CNTN6: variants seen among roughly 807,000 people sequenced by gnomAD.
The protein encoded by CNTN6 is contactin 6.
CNTN6 carries 137 observed loss-of-function variants against 122.8 expected under a neutral mutation model. The ratio of observed to expected loss-of-function variants is 1.12; its 90% CI spans 0.97 to 1.29. The LOEUF is 1.29. Ranked by LOEUF, CNTN6 falls within the 50% of genes most tolerant of loss-of-function variation. The pLI, the probability that CNTN6 is intolerant of heterozygous loss-of-function variation, is 0.00. For missense variants in CNTN6, 1,634 were observed against 1,223.4 expected (o/e 1.34, Z -5.01); for synonymous variants, 570 against 426.0 (o/e 1.34, Z -4.16).
intron 4 of CNTN6, among the ~76,000 whole-genome samples, chr3:1,238,559 A>G (rs1367677368): frequency 6.6e-6 from 1 of 152,178 alleles, no homozygotes; most frequent in Non-Finnish European, 1.5e-5. Context: ...CAAAGAAACA[A>G]TGGACTTAAA....
chr3:1,335,854 C>T (rs1702975216), intron 11 of CNTN6, among the ~76,000 whole-genome samples: 1 of 151,954 alleles, frequency 6.6e-6, no homozygotes, highest in African/African-American at 2.4e-5. Flanking sequence ...CATAGTGAGA[C>T]CCTGTCTCTG....
chr3:1,223,635 T>G (rs555956837), intron 3 of CNTN6, among the ~76,000 whole-genome samples: 2 of 152,290 alleles, frequency 1.3e-5, no homozygotes, highest in South Asian at 4.1e-4. Context: ...TCAGAATATA[T>G]ATTTGATTTG....
rs774452899 is a variant in CNTN6 at position 1,329,896 on chromosome 3, C to T, written c.1325C>T (p.Ser442Phe). 9 of 1,609,634 alleles carry T rather than the reference C, an allele frequency of 5.6e-6. No homozygotes were observed. The highest frequency in any genetic ancestry group is 1.3e-5 in the African/African-American group (1 of 74,578). The change falls in exon 11 of 23, where the codon TCT becomes TTT. Residue 442 changes from serine (S) to phenylalanine (F), a missense_variant. Coordinates refer to ENST00000446702, the MANE Select transcript of CNTN6 (RefSeq NM_001289080.2). ...KPNAFPRAAI[S>F]WKRGTETLRQ... is the part of the protein sequence containing the mutation. ...AATGCTTTTCCCAGGGCAGCTATCT[C>T]TTGGAAAAGAGGAACGGAGACCCTT...
chr3:1,304,884 G>A (rs893796551), intron 7 of CNTN6, among the ~76,000 whole-genome samples: 25 of 150,962 alleles, frequency 1.7e-4, no homozygotes, highest in African/African-American at 5.3e-4. Flanking sequence ...ATCCCAGCTC[G>A]GGAGGCTGAG....
At chr3:1,214,592 G>A (rs1361752808) in intron 2 of CNTN6, among the ~76,000 whole-genome samples, 1 of 152,080 alleles carries the variant, frequency 6.6e-6, no homozygotes, top group East Asian at 1.9e-4. Context: ...TTACATGTGT[G>A]AGCCACTGTG....
At position 1,135,279 on chromosome 3, in the gene CNTN6, G is replaced by A. The variant is rs189790197; in HGVS notation, c.-82-12648G>A. On this transcript the variant is annotated intron_variant, in intron 1 of 22. Coordinates refer to ENST00000446702, the MANE Select transcript of CNTN6 (RefSeq NM_001289080.2). ...GAGTTTTACAGCATCACTGTTGACAGGCAACCACATTTTCCTCCCAAGGCG... is the reference window on the plus strand; with the variant it reads ...GAGTTTTACAGCATCACTGTTGACAAGCAACCACATTTTCCTCCCAAGGCG... Among the ~76,000 whole-genome samples, 503 of 152,166 alleles carry A rather than the reference G, an allele frequency of 3.3e-3. 2 individuals are homozygous for A. The highest frequency in any genetic ancestry group is 5.8e-3 in the Non-Finnish European group (393 of 68,016).
chr3:1,190,031 C>T (rs540319750), intron 2 of CNTN6, among the ~76,000 whole-genome samples: 2 of 152,318 alleles, frequency 1.3e-5, no homozygotes, highest in African/African-American at 4.8e-5. Context: ...TTACTTCTCA[C>T]AGTCCTGGCA....
chr3:1,297,765 A>G (rs1190897196), intron 6 of CNTN6, 124 bp from the exon 7 acceptor site: 6 of 770,602 alleles, frequency 7.8e-6, no homozygotes, highest in African/African-American at 7.1e-5. Context: ...TATGTATCCA[A>G]TTCTTAACTG....
intron 2 of CNTN6, among the ~76,000 whole-genome samples, chr3:1,184,207 A>G (rs1468362099): frequency 6.6e-6 from 1 of 152,204 alleles, no homozygotes; most frequent in Admixed American, 6.5e-5. Flanking sequence ...GGGATGTAAC[A>G]GGGATATGAA....
intron 2 of CNTN6, among the ~76,000 whole-genome samples, chr3:1,207,028 T>C (rs67700225): frequency 0.45 from 67,707 of 151,808 alleles, 16,081 homozygotes; most frequent in African/African-American, 0.62. Flanking sequence ...AATCCGATGA[T>C]CTTCAAATGC....
intron 2 of CNTN6, among the ~76,000 whole-genome samples, chr3:1,219,064 C>A (rs1191438667): frequency 6.6e-6 from 1 of 152,092 alleles, no homozygotes; most frequent in Non-Finnish European, 1.5e-5. Context: ...AAATAAGAAA[C>A]CTTGGATTCA....
chr3:1,388,310 C>T (rs1000091680), intron 20 of CNTN6, among the ~76,000 whole-genome samples: 3 of 147,026 alleles, frequency 2.0e-5, no homozygotes, highest in Non-Finnish European at 4.5e-5. Flanking sequence ...ACACTGACAC[C>T]TCACACGGCA....
intron 7 of CNTN6, among the ~76,000 whole-genome samples, chr3:1,312,614 CAAAA>C (rs5846106): frequency 0.17 from 23,532 of 137,886 alleles, 2,391 homozygotes; most frequent in African/African-American, 0.3. Flanking sequence ...GCCTCTTATA[CAAAA>C]AAAAAAAAAA....
chr3:1,166,653 G>T (rs9815645), intron 2 of CNTN6, among the ~76,000 whole-genome samples: 1 of 152,048 alleles, frequency 6.6e-6, no homozygotes, highest in Non-Finnish European at 1.5e-5. Context: ...CACAGGCTCC[G>T]CAATTAAAGA....
At chr3:1,353,491 G>A (rs979127062) in intron 12 of CNTN6, among the ~76,000 whole-genome samples, 1 of 151,566 alleles carries the variant, frequency 6.6e-6, no homozygotes, top group African/African-American at 2.4e-5. Context: ...AACTTGGTGT[G>A]TCAAAATCCA....
At chr3:1,336,556 A>G (rs1264197579) in intron 11 of CNTN6, among the ~76,000 whole-genome samples, 4 of 152,230 alleles carry the variant, frequency 2.6e-5, no homozygotes, top group Non-Finnish European at 4.4e-5. Context: ...CGTTACCTTT[A>G]TCTACTTACT....
intron 12 of CNTN6, among the ~76,000 whole-genome samples, chr3:1,360,573 A>G (rs1559919388): frequency 2.0e-5 from 3 of 151,836 alleles, no homozygotes; most frequent in African/African-American, 7.3e-5. Context: ...CACATTCTAT[A>G]TATTCTATAT....
intron 1 of CNTN6, among the ~76,000 whole-genome samples, chr3:1,116,676 G>A (rs2091731036): frequency 6.7e-6 from 1 of 149,250 alleles, no homozygotes; most frequent in African/African-American, 2.5e-5. Flanking sequence ...GGATGCCAAT[G>A]GAGAATGCCA....
At chr3:1,097,676 G>C (rs1190386726) in intron 1 of CNTN6, among the ~76,000 whole-genome samples, 1 of 152,110 alleles carries the variant, frequency 6.6e-6, no homozygotes, top group Non-Finnish European at 1.5e-5. Context: ...TCATAGTGGA[G>C]ATAATATTAG....
Sources: gnomAD v4.1 joint callset for allele counts (sites outside exome capture counted in the v4.1 genomes callset) on GRCh38, gnomAD v4.1.1 for gene constraint, MANE v1.5 for transcripts, NCBI Gene and HGNC (gene_info 2026-07-23, HGNC 2026-07-21) for gene names.